CDK19: variants seen among roughly 807,000 people sequenced by gnomAD.
The protein encoded by CDK19 is cyclin-dependent kinase 19.
CDK19 carries 20 observed loss-of-function variants against 68.3 expected under a neutral mutation model. The observed-to-expected ratio is 0.29, with a 90% CI of 0.21 to 0.43. CDK19 has a LOEUF of 0.43. Ranked by LOEUF, CDK19 falls within the 20% of genes least tolerant of loss-of-function variation. The probability of loss-of-function intolerance (pLI) is 1.00; values close to 1 mark genes in which losing one functional copy is unlikely to be tolerated. For missense variants in CDK19, 339 were observed against 623.5 expected (o/e 0.54, Z 4.86); for synonymous variants, 221 against 222.8 (o/e 0.99, Z 0.07).
At chr6:110,641,592 CAAAAA>C (rs773781094) in intron 4 of CDK19, among the ~76,000 whole-genome samples, 1 of 31,316 alleles carries the variant, frequency 3.2e-5, no homozygotes, top group Non-Finnish European at 6.9e-5. Flanking sequence ...GAGACTCCAT[CAAAAA>C]AAAAAAAAAA....
chr6:110,773,021 GC>G, intron 1 of CDK19, among the ~76,000 whole-genome samples: 1 of 149,750 alleles, frequency 6.7e-6, no homozygotes, highest in East Asian at 2.0e-4. Flanking sequence ...CTCAAGGCCA[GC>G]CTGGGCAACA....
intron 2 of CDK19, among the ~76,000 whole-genome samples, chr6:110,701,806 C>T (rs982203678): frequency 5.3e-5 from 8 of 152,066 alleles, no homozygotes; most frequent in African/African-American, 1.9e-4. Flanking sequence ...TCCATCCCTA[C>T]AGTGGAATAT....
chr6:110,701,228 C>T (rs1773975538), intron 2 of CDK19, among the ~76,000 whole-genome samples: 1 of 140,964 alleles, frequency 7.1e-6, no homozygotes, highest in African/African-American at 2.6e-5. Flanking sequence ...AATTAATTAC[C>T]AGTTGTTAAA....
intron 1 of CDK19, among the ~76,000 whole-genome samples, chr6:110,748,163 CAT>C (rs1232999730): frequency 6.6e-6 from 1 of 152,138 alleles, no homozygotes; most frequent in Non-Finnish European, 1.5e-5. Context: ...CATGTAATTG[CAT>C]AGTTTTATTT....
At chr6:110,813,656 T>C (rs1018372604) in intron 1 of CDK19, 3 of 152,236 alleles carry the variant, frequency 2.0e-5, no homozygotes, top group African/African-American at 7.2e-5. Flanking sequence ...ATAATAATCC[T>C]TTACACTTGG....
intron 1 of CDK19, among the ~76,000 whole-genome samples, chr6:110,749,481 C>T (rs996716396): frequency 2.6e-5 from 4 of 152,034 alleles, no homozygotes; most frequent in Non-Finnish European, 5.9e-5. Flanking sequence ...CCACTTCACC[C>T]TCCCAAGTAG....
chr6:110,703,292 C>T lies in CDK19; in HGVS notation c.205-32751G>A, dbSNP rs553106708. On this transcript the variant is annotated intron_variant, in intron 2 of 12. Coordinates refer to ENST00000368911, the MANE Select transcript of CDK19 (RefSeq NM_015076.5). ...CTGACTCAAAGTTTGAAAACCACTG[C>T]TCTAAGATATTATGTTAGCAGTACT... Among the ~76,000 whole-genome samples the T allele has an allele frequency of 1.2e-3, 188 of 152,188 alleles. 1 individual carries two copies. The highest frequency in any genetic ancestry group is 1.2e-3 in the Non-Finnish European group (82 of 68,016).
intron 5 of CDK19, among the ~76,000 whole-genome samples, chr6:110,635,168 A>G (rs933823498): frequency 1.3e-5 from 2 of 152,222 alleles, no homozygotes; most frequent in African/African-American, 4.8e-5. Flanking sequence ...AAGGTCTACC[A>G]CTAAGGAGTT....
At chr6:110,693,584 G>C (rs564452525) in intron 2 of CDK19, among the ~76,000 whole-genome samples, 1 of 152,326 alleles carries the variant, frequency 6.6e-6, no homozygotes, top group East Asian at 1.9e-4. Flanking sequence ...AATGAGGTTG[G>C]CCTTGCTGGC....
At chr6:110,733,732 G>C (rs1020272425) in intron 2 of CDK19, among the ~76,000 whole-genome samples, 1 of 151,820 alleles carries the variant, frequency 6.6e-6, no homozygotes, top group Non-Finnish European at 1.5e-5. Flanking sequence ...ACATAGCAGA[G>C]ATTATAATCA....
chr6:110,663,722 G>T (rs960223484), intron 4 of CDK19, among the ~76,000 whole-genome samples: 1 of 151,974 alleles, frequency 6.6e-6, no homozygotes, highest in Non-Finnish European at 1.5e-5. Flanking sequence ...GTAGCGATGG[G>T]GACTCACTAT....
chr6:110,793,415 T>TA (rs996791841), intron 1 of CDK19, among the ~76,000 whole-genome samples: 8 of 152,008 alleles, frequency 5.3e-5, no homozygotes, highest in East Asian at 1.9e-4. Context: ...AGGCTTTGCT[T>TA]AAAAAAAATT....
At chr6:110,657,512 G>C (rs920669514) in intron 4 of CDK19, among the ~76,000 whole-genome samples, 1 of 152,108 alleles carries the variant, frequency 6.6e-6, no homozygotes, top group Non-Finnish European at 1.5e-5. Context: ...ATACCTTACT[G>C]TATATAAATT....
intron 2 of CDK19, among the ~76,000 whole-genome samples, chr6:110,744,011 GTTT>G (rs5879078): frequency 1.8e-5 from 2 of 113,358 alleles, no homozygotes; most frequent in Non-Finnish European, 3.3e-5. Flanking sequence ...ACCTCCCCAC[GTTT>G]TTTTTTTTTT....
intron 2 of CDK19, among the ~76,000 whole-genome samples, chr6:110,713,431 CAAA>C (rs34863234): frequency 1.0e-4 from 5 of 47,856 alleles, no homozygotes; most frequent in Admixed American, 2.9e-4. Context: ...GACTCTGTCT[CAAA>C]AAAAAAAAAA....
intron 1 of CDK19, among the ~76,000 whole-genome samples, chr6:110,754,448 T>C (rs763742199): frequency 6.6e-6 from 1 of 152,074 alleles, no homozygotes; most frequent in African/African-American, 2.4e-5. Flanking sequence ...TAATGATTAA[T>C]AGACTGCAAT....
At chr6:110,622,249 T>C (rs1778765055) in intron 10 of CDK19, 83 bp from the exon 11 acceptor site, 2 of 995,604 alleles carry the variant, frequency 2.0e-6, no homozygotes, top group Admixed American at 2.0e-5. Context: ...TTCCAATTTG[T>C]TTTTCTTCAC....
intron 6 of CDK19, among the ~76,000 whole-genome samples, chr6:110,628,971 C>T (rs1332379317): frequency 2.0e-5 from 3 of 152,178 alleles, no homozygotes; most frequent in East Asian, 1.9e-4. Context: ...AGTAATAATA[C>T]TGCTCAGCAT....
intron 2 of CDK19, among the ~76,000 whole-genome samples, chr6:110,717,590 T>C (rs945140803): frequency 1.3e-4 from 20 of 152,216 alleles, no homozygotes; most frequent in African/African-American, 4.8e-4. Context: ...ATGTGAAAAG[T>C]CAAAAAGGAA....
Sources: allele counts gnomAD v4.1 joint callset (sites outside exome capture counted in the v4.1 genomes callset), GRCh38; gene constraint gnomAD v4.1.1; transcripts MANE v1.5; gene names NCBI Gene and HGNC (gene_info 2026-07-23, HGNC 2026-07-21).